The following NMI variants were observed in gnomAD, a reference collection of about 807,000 sequenced individuals.
The protein encoded by NMI is N-myc-interactor.
Under a neutral mutation model 34.3 loss-of-function variants are expected in NMI, and 39 were observed. The ratio of observed to expected loss-of-function variants is 1.14; its 90% CI spans 0.88 to 1.49. NMI has a LOEUF of 1.49. Among genes scored for constraint, NMI ranks in the 40% most tolerant of loss-of-function variants. The pLI is 0.00. For missense variants in NMI, 339 were observed against 358.1 expected, an observed-to-expected ratio of 0.95 and a Z score of 0.43; for synonymous variants, 113 against 120.3, an observed-to-expected ratio of 0.94 and a Z score of 0.40.
chr2:151,273,324 T>A (rs1350516306), intron 6 of NMI, among the ~76,000 whole-genome samples: 6 of 152,154 alleles, frequency 3.9e-5, no homozygotes, highest in Non-Finnish European at 7.3e-5. Context: ...ATCTGGCATA[T>A]TTATCTCCAG....
At chr2:151,286,011 A>G (rs1215035752) in intron 1 of NMI, among the ~76,000 whole-genome samples, 1 of 152,238 alleles carries the variant, frequency 6.6e-6, no homozygotes, top group Admixed American at 6.5e-5. Flanking sequence ...GAGTCCAGAT[A>G]AATTAGAAAT....
chr2:151,284,914 A>G (rs1338533929), intron 1 of NMI, among the ~76,000 whole-genome samples: 4 of 152,222 alleles, frequency 2.6e-5, no homozygotes, highest in Non-Finnish European at 5.9e-5. Flanking sequence ...TCTTAGTTTA[A>G]TGAACACAGG....
At chr2:151,282,780 G>A (rs142639684) in intron 2 of NMI, 88 bp downstream of exon 2, 35 of 659,548 alleles carry the variant, frequency 5.3e-5, no homozygotes, top group African/African-American at 3.2e-4. Flanking sequence ...TCAAGGTAAT[G>A]TTGGACAAAG....
intron 3 of NMI, among the ~76,000 whole-genome samples, chr2:151,281,239 T>G (rs1683397242): frequency 6.6e-6 from 1 of 152,156 alleles, no homozygotes; most frequent in South Asian, 2.1e-4. Flanking sequence ...ATTTAAATGG[T>G]GAGGATTAAT....
At chr2:151,277,647 G>T (rs1384713402) in intron 4 of NMI, 1 of 152,112 alleles carries the variant, frequency 6.6e-6, no homozygotes, top group Non-Finnish European at 1.5e-5. Context: ...ATGAGTCCTG[G>T]ACTCCTCTTC....
Position 151,275,703 on chromosome 2 carries a change from T to A in NMI, c.448-33A>T, listed in dbSNP as rs763705278. The stretch of plus-strand genomic sequence containing the variant: ...ATGATTTGATGTTCAGAAATATGGA[T>A]GAGAGAAGTGCTTGTGATGAACAGA... On this transcript the variant is annotated intron_variant, in intron 5 of 7. Transcript: ENST00000243346. The A allele has an allele frequency of 2.5e-6, 4 of 1,608,464 alleles. No individual in the cohort carries two copies. In the South Asian group the frequency reaches 4.4e-5, roughly 18 times the overall value.
chr2:151,283,189 G>A (rs1217371314), intron 1 of NMI, among the ~76,000 whole-genome samples: 1 of 151,550 alleles, frequency 6.6e-6, no homozygotes, highest in African/African-American at 2.4e-5. Context: ...CGCCCAGGCT[G>A]GAGGGCAATG....
chr2:151,273,546 C>T (rs576609947), intron 6 of NMI, among the ~76,000 whole-genome samples: 2 of 151,918 alleles, frequency 1.3e-5, no homozygotes, highest in African/African-American at 4.8e-5. Flanking sequence ...TTTTTGAGAC[C>T]GAGTCTCACT....
chr2:151,276,719 CTCTG>C (rs1208257464), intron 4 of NMI, among the ~76,000 whole-genome samples: 2 of 152,188 alleles, frequency 1.3e-5, no homozygotes, highest in African/African-American at 2.4e-5. Flanking sequence ...TATTCATTTG[CTCTG>C]TCTTCTCAAG....
At position 151,281,929 on chromosome 2, in the gene NMI, A is replaced by G. The variant is rs1187204184; in HGVS notation, c.177+19T>C. ...TGCATCCATCAAAAATGTAGTATAT[A>G]AAATAATTAAGAGAGTACCTGGAAT... On this transcript the variant is annotated intron_variant, in intron 3 of 7. Transcript: ENST00000243346. The G allele has an allele frequency of 2.4e-6, 3 of 1,245,920 alleles. No individual in the cohort carries two copies. Among genetic ancestry groups the G allele is most frequent in the Non-Finnish European group, 3.5e-6 (3 of 860,246 alleles). 77.2% of individuals were successfully genotyped at this position (1,245,920 alleles called of 1,614,324 possible). A position where few individuals can be genotyped will look rare whatever the true frequency, so the allele number is the denominator to read the frequency against.
intron 2 of NMI, 100 bp from the exon 3 acceptor site, chr2:151,282,143 A>G: frequency 1.6e-6 from 1 of 628,950 alleles, no homozygotes; most frequent in Non-Finnish European, 2.8e-6. Context: ...TGACCAAAGA[A>G]AGACATTAGA....
chr2:151,287,705 C>T (rs1170889576), intron 1 of NMI, among the ~76,000 whole-genome samples: 4 of 152,080 alleles, frequency 2.6e-5, no homozygotes, highest in African/African-American at 4.8e-5. Flanking sequence ...ACGTGTGTAC[C>T]TATGTCATTT....
At chr2:151,288,845 T>C (rs986631064) in intron 1 of NMI, 2 of 152,154 alleles carry the variant, frequency 1.3e-5, no homozygotes, top group African/African-American at 2.4e-5. Context: ...AGAAAAACCT[T>C]GCCTATTCTG....
chr2:151,279,784 G>A (rs1683356830), intron 3 of NMI, among the ~76,000 whole-genome samples: 3 of 152,052 alleles, frequency 2.0e-5, no homozygotes, highest in African/African-American at 4.8e-5. Flanking sequence ...CCCAGAATTA[G>A]ATGATGTTAA....
In NMI at chr2:151,275,464, C is replaced by T; in HGVS notation, c.634+20G>A. 2 of 1,605,536 alleles carry T rather than the reference C, an allele frequency of 1.2e-6. No individual in the cohort carries two copies. Among genetic ancestry groups the T allele is most frequent in the East Asian group, 2.2e-5 (1 of 44,770 alleles). On this transcript the variant is annotated intron_variant, in intron 6 of 7. Transcript: ENST00000243346. Reference sequence around the variant, plus strand: ...ACTGAAATGGCAGAGTGTCTGTTAACCTTCTACACCCTTGAGTACCTCCAA... The same window carrying T: ...ACTGAAATGGCAGAGTGTCTGTTAATCTTCTACACCCTTGAGTACCTCCAA...
intron 1 of NMI, among the ~76,000 whole-genome samples, chr2:151,288,017 C>G (rs1475370972): frequency 1.3e-5 from 2 of 152,198 alleles, no homozygotes; most frequent in Non-Finnish European, 2.9e-5. Flanking sequence ...GGTCTACTAT[C>G]TAACACCACC....
intron 1 of NMI, 23 bp from the exon 2 acceptor site, chr2:151,282,977 T>C (rs1683432990): frequency 1.6e-6 from 2 of 1,271,178 alleles, no homozygotes; most frequent in East Asian, 5.1e-5. Context: ...AAAATAAATA[T>C]TATAAGCATA....
intron 3 of NMI, among the ~76,000 whole-genome samples, chr2:151,281,369 T>C (rs1683400219): frequency 6.6e-6 from 1 of 152,240 alleles, no homozygotes; most frequent in South Asian, 2.1e-4. Context: ...AATTTGCTAA[T>C]GACCATCTTT....
chr2:151,274,421 C>T (rs997482855), intron 6 of NMI, among the ~76,000 whole-genome samples: 2 of 146,556 alleles, frequency 1.4e-5, no homozygotes, highest in East Asian at 2.0e-4. Context: ...TGGAAAGACA[C>T]CCAAATAACC....
Sources: allele counts gnomAD v4.1 joint callset (sites outside exome capture counted in the v4.1 genomes callset), GRCh38; gene constraint gnomAD v4.1.1; transcripts MANE v1.5; gene names NCBI Gene and HGNC (gene_info 2026-07-23, HGNC 2026-07-21).